Variants in NMS observed in about 807,000 individuals in gnomAD.
NMS encodes the protein neuromedin-S.
In NMS, 30 loss-of-function variants were observed where a neutral mutation model predicts 32.2. The observed-to-expected ratio is 0.93, with a 90% CI of 0.70 to 1.26. The LOEUF (loss-of-function observed/expected upper bound fraction) is 1.26. NMS is among the 50% of genes most tolerant of loss of function. The pLI, the probability that NMS is intolerant of heterozygous loss-of-function variation, is 0.00. For missense variants in NMS, 190 were observed against 186.3 expected, an observed-to-expected ratio of 1.02 and a Z score of -0.12; for synonymous variants, 76 against 58.5, an observed-to-expected ratio of 1.30 and a Z score of -1.37.
chr2:100,473,367 T>A (rs1330592095), intron 2 of NMS, 122 bp from the exon 3 acceptor site: 6 of 376,484 alleles, frequency 1.6e-5, no homozygotes, highest in Non-Finnish European at 2.9e-5. Context: ...ATAGTCACTC[T>A]ACTGAATTAT....
In NMS at chr2:100,480,498, C is replaced by T. The variant is rs1519654; in HGVS notation, c.339C>T (p.Gly113=). ...NRRMKRILQR[G]SGTAAVDFTK... ...ACCTGTGCCTCATTTCCTTGCAGGG[C>T]TCGGGGACTGCTGCAGTGGACTTCA... Residue 113 remains glycine (G), a splice_region_variant and synonymous_variant, in exon 7 of 10, where the codon GGC becomes GGT. Transcript: ENST00000376865. 0.56 allele frequency: 901,437 copies of T among 1,611,574 alleles called. 267,357 individuals are homozygous for T. Among genetic ancestry groups the T allele is most frequent in the East Asian group, 1 (44,800 of 44,860 alleles).
rs144939738 is a variant in NMS, at chr2:100,480,525, C to T, written c.366C>T (p.Thr122=). 1.9e-6 allele frequency: 3 copies of T among 1,612,872 alleles called. No homozygotes were observed. The highest frequency in any genetic ancestry group is 2.7e-5 in the African/African-American group (2 of 74,882). ...CGGGGACTGCTGCAGTGGACTTCAC[C>T]AAGAAGGTACACAAGAGCCTTGGAG... ...RGSGTAAVDF[T]KKDHTATWGR... The change falls in exon 7 of 10, where the codon ACC becomes ACT. Residue 122 remains threonine, a synonymous_variant. Transcript: ENST00000376865.
chr2:100,473,432 ATC>A, intron 2 of NMS, 55 bp from the exon 3 acceptor site: 1 of 985,412 alleles, frequency 1.0e-6, no homozygotes, highest in South Asian at 2.1e-5. Context: ...CCATTAATCA[ATC>A]TCTCTCTTCA....
chr2:100,474,311 G>A (rs936676110), intron 3 of NMS, among the ~76,000 whole-genome samples: 6 of 151,948 alleles, frequency 3.9e-5, no homozygotes, highest in Non-Finnish European at 7.3e-5. Flanking sequence ...ATTTCACCTT[G>A]AGCCACATCT....
chr2:100,480,218 A>G (rs938240712), intron 6 of NMS, among the ~76,000 whole-genome samples: 1 of 152,242 alleles, frequency 6.6e-6, no homozygotes, highest in Non-Finnish European at 1.5e-5. Flanking sequence ...CAATGTGCCC[A>G]TTTCGAAGTT....
At chr2:100,480,569 A>C (rs1205472780) in intron 7 of NMS, 38 bp downstream of exon 7, 5 of 1,610,802 alleles carry the variant, frequency 3.1e-6, no homozygotes, top group Non-Finnish European at 4.2e-6. Flanking sequence ...CCCCAAAGAA[A>C]GCCCTACCCG....
intron 3 of NMS, among the ~76,000 whole-genome samples, chr2:100,475,730 T>C (rs948162767): frequency 2.0e-5 from 3 of 152,066 alleles, no homozygotes; most frequent in African/African-American, 7.2e-5. Flanking sequence ...CCGGGTGTGG[T>C]GGCTCATGCC....
At chr2:100,478,710 C>T (rs1677159285) in intron 5 of NMS, among the ~76,000 whole-genome samples, 1 of 152,204 alleles carries the variant, frequency 6.6e-6, no homozygotes. Flanking sequence ...GTGATCCACC[C>T]ACATTGGCCT....
chr2:100,480,294 A>G (rs1677191686), intron 6 of NMS, among the ~76,000 whole-genome samples: 1 of 152,268 alleles, frequency 6.6e-6, no homozygotes, highest in Non-Finnish European at 1.5e-5. Flanking sequence ...AGTCAAGACG[A>G]CAAGCTTGCC....
Position 100,472,854 on chromosome 2 carries a change from C to T in NMS, c.132+4C>T, listed in dbSNP as rs1677027506. ...CTTGGATATTGTGCAGCTTGAGGTA[C>T]CCAATTATTCAGTAATGTGAGATTT... On this transcript the variant is annotated splice_donor_region_variant and intron_variant, in intron 2 of 9. Transcript: ENST00000376865. 2 of 1,595,272 alleles carry T rather than the reference C, an allele frequency of 1.3e-6. No individual in the cohort carries two copies. The highest frequency in any genetic ancestry group is 2.7e-5 in the African/African-American group (2 of 74,630).
chr2:100,471,167 TGGA>T (rs1231785005), intron 1 of NMS, among the ~76,000 whole-genome samples: 2 of 151,798 alleles, frequency 1.3e-5, no homozygotes, highest in African/African-American at 4.8e-5. Context: ...GGAACAGGGG[TGGA>T]GTGAGGGTCT....
Position 100,474,493 on chromosome 2 carries a change from G to C in NMS, c.183+954G>C, listed in dbSNP as rs189755725. Among the ~76,000 whole-genome samples, 245 of 152,296 alleles carry C rather than the reference G, an allele frequency of 1.6e-3. 2 individuals carry two copies. Among genetic ancestry groups the C allele is most frequent in the African/African-American group, 5.7e-3 (235 of 41,564 alleles). Reference sequence around the variant, plus strand: ...TTCACAGGCTGCAGTTAACAATCCAGACTCTAAAACAAAAATACCTGGTTT... The same window carrying C: ...TTCACAGGCTGCAGTTAACAATCCACACTCTAAAACAAAAATACCTGGTTT... On this transcript the variant is annotated intron_variant, in intron 3 of 9. Transcript: ENST00000376865.
At chr2:100,476,490 A>G (rs1210831173) in intron 3 of NMS, among the ~76,000 whole-genome samples, 1 of 152,230 alleles carries the variant, frequency 6.6e-6, no homozygotes, top group Non-Finnish European at 1.5e-5. Context: ...CACAATTATT[A>G]TTAAAGTATT....
chr2:100,479,294 CAAAAT>C lies in NMS; in HGVS notation c.262-57_262-53del, dbSNP rs757360775. 3.3e-4 allele frequency: 442 copies of C among 1,335,734 alleles called. 1 individual carries two copies. Among genetic ancestry groups the C allele is most frequent in the Non-Finnish European group, 2.7e-4 (259 of 960,444 alleles). 82.7% of individuals were successfully genotyped at this position (1,335,734 alleles called of 1,614,324 possible). On this transcript the variant is annotated intron_variant, in intron 5 of 9. Coordinates refer to ENST00000376865, the MANE Select transcript of NMS (RefSeq NM_001011717.1). The stretch of plus-strand genomic sequence containing the variant: ...AGAAATGCGCATAGCCCTGGGCTCT[CAAAAT>C]ACCCCTCTGTGGATGTCCCCCTGTC...
intron 1 of NMS, among the ~76,000 whole-genome samples, chr2:100,471,616 C>G (rs1677007727): frequency 6.6e-6 from 1 of 152,146 alleles, no homozygotes; most frequent in African/African-American, 2.4e-5. Flanking sequence ...ATACTCACCT[C>G]CCTATTTTTT....
intron 2 of NMS, 77 bp from the exon 3 acceptor site, chr2:100,473,412 A>G: frequency 1.4e-6 from 1 of 711,600 alleles, no homozygotes. Flanking sequence ...ATCTAATTGT[A>G]TTTGATTACC....
At chr2:100,481,015 TG>T in intron 7 of NMS, 110 bp from the exon 8 acceptor site, 1 of 1,005,284 alleles carries the variant, frequency 9.9e-7, no homozygotes, top group Non-Finnish European at 1.6e-6. Flanking sequence ...CAGAGGTTGT[TG>T]GTGCCACTGG....
intron 9 of NMS, 133 bp downstream of exon 9, chr2:100,482,444 G>A (rs1016367128): frequency 1.2e-6 from 1 of 819,680 alleles, no homozygotes; most frequent in South Asian, 1.6e-5. Flanking sequence ...ATAACCCCCA[G>A]GAACTCTGCC....
At position 100,479,380 on chromosome 2, in the gene NMS, C is replaced by T. The variant is rs866693164; in HGVS notation, c.289C>T (p.Leu97=). The T allele has an allele frequency of 5.6e-6, 9 of 1,611,070 alleles. No homozygotes were observed. The Admixed American group carries it at 1.0e-4, about 18-fold the overall frequency. Residue 97 remains leucine (L), a synonymous_variant, in exon 6 of 10, where the codon CTG becomes TTG. Transcript: ENST00000376865. ...TCCTCCAGTGCATCCTCTAATGCACCTGGCTGCCAAGCTCGCCAACAGGCG... is the reference window on the plus strand; with the variant it reads ...TCCTCCAGTGCATCCTCTAATGCACTTGGCTGCCAAGCTCGCCAACAGGCG... ...GFPPVHPLMH[L]AAKLANRRMK...
Sources: allele counts gnomAD v4.1 joint callset (sites outside exome capture counted in the v4.1 genomes callset), GRCh38; gene constraint gnomAD v4.1.1; transcripts MANE v1.5; gene names NCBI Gene and HGNC (gene_info 2026-07-23, HGNC 2026-07-21).